Variants in ADISSP observed in about 807,000 individuals in gnomAD.
ADISSP encodes the protein adipose-secreted signaling protein.
At chr20:3,755,665 A>G in the ADISSP span, 2 of 1,506,314 alleles carry the variant, frequency 1.3e-6, no homozygotes, top group Admixed American at 1.8e-5. Context: ...CCGCAGGCCC[A>G]CCCAGTTGTG....
chr20:3,753,990 CGCA>C, the ADISSP span: 2 of 1,232,012 alleles, frequency 1.6e-6, no homozygotes, highest in Non-Finnish European at 2.4e-6. Context: ...CACACCATCA[CGCA>C]GCATGTCGGG....
the ADISSP span, chr20:3,758,487 C>A: frequency 1.3e-6 from 2 of 1,583,706 alleles, no homozygotes; most frequent in South Asian, 1.1e-5. This position sits in a 1 kb window ranked among gnomAD's most constrained non-coding sequence, Gnocchi z 5.5. Flanking sequence ...AGAAGCCAGG[C>A]AGAGCCGGGG....
At chr20:3,764,109 C>T in the ADISSP span, among the ~76,000 whole-genome samples, 1 of 152,342 alleles carries the variant, frequency 6.6e-6, no homozygotes, top group East Asian at 1.9e-4. Flanking sequence ...GGAACTTGGT[C>T]TTGGAGAGCA....
the ADISSP span, chr20:3,760,188 TGAAGGATAGGGAG>T: frequency 2.6e-6 from 3 of 1,154,412 alleles, no homozygotes; most frequent in Non-Finnish European, 3.8e-6. Context: ...AGCGGGAGCC[TGAAGGATAGGGAG>T]TGGGGAGGGC....
chr20:3,766,589 C>A, the ADISSP span, among the ~76,000 whole-genome samples: 1 of 152,210 alleles, frequency 6.6e-6, no homozygotes, highest in African/African-American at 2.4e-5. Context: ...AGATAGCATG[C>A]CCCACCTAGG....
At chr20:3,765,060 C>G in the ADISSP span, among the ~76,000 whole-genome samples, 1 of 152,208 alleles carries the variant, frequency 6.6e-6, no homozygotes, top group Non-Finnish European at 1.5e-5. Flanking sequence ...ACACTGAGGG[C>G]CTGTAACCCT....
chr20:3,754,394 C>T, the ADISSP span: 2 of 1,606,212 alleles, frequency 1.2e-6, no homozygotes, highest in Non-Finnish European at 1.7e-6. Flanking sequence ...CTCACGCTCT[C>T]ACCCATGACG....
the ADISSP span, chr20:3,755,708 T>TTCC: frequency 9.5e-7 from 1 of 1,054,142 alleles, no homozygotes; most frequent in African/African-American, 1.6e-5. Context: ...CAGCACCTGC[T>TTCC]TCCCCAGAGA....
At chr20:3,764,799 G>A in the ADISSP span, among the ~76,000 whole-genome samples, 563 of 152,364 alleles carry the variant, frequency 3.7e-3, 2 homozygotes, top group African/African-American at 0.013. Context: ...TAAATGATAT[G>A]GTCAGGGCCA....
the ADISSP span, among the ~76,000 whole-genome samples, chr20:3,764,434 T>TC: frequency 6.6e-6 from 1 of 151,684 alleles, no homozygotes. Flanking sequence ...TGCCTGACCG[T>TC]CCCCCCGCCC....
At chr20:3,760,777 C>T in the ADISSP span, among the ~76,000 whole-genome samples, 3 of 152,140 alleles carry the variant, frequency 2.0e-5, no homozygotes, top group Non-Finnish European at 4.4e-5. Context: ...CCATTCAGAC[C>T]CTGCCCTGAG....
the ADISSP span, chr20:3,754,343 C>G: frequency 6.3e-7 from 1 of 1,595,696 alleles, no homozygotes; most frequent in Non-Finnish European, 8.6e-7. Flanking sequence ...GGACAGAAAC[C>G]CTCGCAGTCG....
At chr20:3,766,020 T>C in the ADISSP span, among the ~76,000 whole-genome samples, 7 of 152,208 alleles carry the variant, frequency 4.6e-5, no homozygotes, top group Non-Finnish European at 1.0e-4. Flanking sequence ...TGAGACCTCA[T>C]TTCTCATTCC....
At chr20:3,756,575 C>A in the ADISSP span, among the ~76,000 whole-genome samples, 20 of 152,202 alleles carry the variant, frequency 1.3e-4, no homozygotes, top group Non-Finnish European at 2.9e-5. Context: ...AGAGTTTTAG[C>A]CATTCAATGG....
the ADISSP span, chr20:3,758,575 GACC>G: frequency 6.2e-7 from 1 of 1,613,796 alleles, no homozygotes; most frequent in African/African-American, 1.3e-5. This position sits in a 1 kb window ranked among gnomAD's most constrained non-coding sequence, Gnocchi z 5.5. Flanking sequence ...GGGTGACCAT[GACC>G]ACCGAGTCAT....
At chr20:3,762,560 C>A in the ADISSP span, among the ~76,000 whole-genome samples, 2 of 152,160 alleles carry the variant, frequency 1.3e-5, no homozygotes, top group African/African-American at 4.8e-5. Flanking sequence ...CAGAGTTGCC[C>A]AGGCTGGTCT....
the ADISSP span, chr20:3,758,506 A>T: frequency 1.2e-6 from 2 of 1,604,730 alleles, no homozygotes; most frequent in South Asian, 2.2e-5. This position sits in a 1 kb window ranked among gnomAD's most constrained non-coding sequence, Gnocchi z 5.5. Context: ...GGAGGGGAAG[A>T]AGCTGCTGAT....
the ADISSP span, chr20:3,768,187 G>C: frequency 6.6e-6 from 1 of 152,450 alleles, no homozygotes; most frequent in East Asian, 1.9e-4. Context: ...TTCTCCCTGG[G>C]CTTCCACGCC....
At chr20:3,756,867 A>G in the ADISSP span, among the ~76,000 whole-genome samples, 1 of 152,172 alleles carries the variant, frequency 6.6e-6, no homozygotes, top group Non-Finnish European at 1.5e-5. Flanking sequence ...ACCAGTAGGC[A>G]GTTGTAAAAT....
Sources: allele counts gnomAD v4.1 joint callset (sites outside exome capture counted in the v4.1 genomes callset), GRCh38; gene constraint gnomAD v4.1.1; non-coding constraint Gnocchi (gnomAD v3.1); transcripts MANE v1.5; gene names NCBI Gene and HGNC (gene_info 2026-07-23, HGNC 2026-07-21).